The following DTNB variants were observed in gnomAD, a reference collection of about 807,000 sequenced individuals.
The protein encoded by DTNB is DTN-B.
In DTNB, 63 loss-of-function variants were observed where a neutral mutation model predicts 90.7. The observed-to-expected ratio is 0.69, with a 90% CI of 0.57 to 0.86. The LOEUF is 0.86. DTNB is among the 40% of genes least tolerant of loss of function. The pLI is 0.00. For synonymous variants in DTNB, 277 were observed against 286.7 expected, an observed-to-expected ratio of 0.97 and a Z score of 0.34; for missense variants, 744 against 807.1, an observed-to-expected ratio of 0.92 and a Z score of 0.95.
At chr2:25,629,111 A>C (rs938232754) in intron 3 of DTNB, among the ~76,000 whole-genome samples, 4 of 152,202 alleles carry the variant, frequency 2.6e-5, no homozygotes, top group African/African-American at 9.6e-5. Flanking sequence ...ATTTCCTTGA[A>C]AGAAAAATAA....
rs539431337 is a variant in DTNB, at chr2:25,549,210, A to G, written c.877-17613T>C. On this transcript the variant is annotated intron_variant, in intron 8 of 20. Transcript: ENST00000406818. ...CCATTTATTTTGATTACTGATATAT[A>G]TATCAGTAATATATATTTGATTATG... is the stretch of plus-strand genomic sequence containing the variant. Among the ~76,000 whole-genome samples the G allele has an allele frequency of 8.7e-4, 132 of 151,900 alleles. 1 individual carries two copies. Among genetic ancestry groups the G allele is most frequent in the African/African-American group, 2.4e-3 (99 of 41,476 alleles).
chr2:25,399,784 G>A (rs1391490597), intron 16 of DTNB, among the ~76,000 whole-genome samples: 7 of 152,226 alleles, frequency 4.6e-5, no homozygotes, highest in African/African-American at 9.6e-5. Context: ...CTAGTGACTC[G>A]CTGCTAATGA....
intron 4 of DTNB, 47 bp downstream of exon 4, chr2:25,628,124 A>G: frequency 6.4e-7 from 1 of 1,570,030 alleles, no homozygotes. Context: ...ATTCAGAGAC[A>G]GGTGTTCTTA....
intron 8 of DTNB, among the ~76,000 whole-genome samples, chr2:25,542,259 G>A (rs1191215188): frequency 1.3e-5 from 2 of 152,156 alleles, no homozygotes; most frequent in Non-Finnish European, 2.9e-5. Flanking sequence ...CTTAGATGTT[G>A]GGTTTAGTAA....
chr2:25,575,245 A>ACAC (rs1559088485), intron 8 of DTNB, among the ~76,000 whole-genome samples: 2 of 148,976 alleles, frequency 1.3e-5, no homozygotes, highest in African/African-American at 2.5e-5. Context: ...CACACACACA[A>ACAC]AAAAAAAAAA....
chr2:25,587,036 T>C (rs2062578007), intron 6 of DTNB, among the ~76,000 whole-genome samples: 2 of 152,104 alleles, frequency 1.3e-5, no homozygotes, highest in African/African-American at 4.8e-5. Context: ...CATGGCCCTG[T>C]GGCAACAGCT....
chr2:25,541,953 T>C (rs977168508), intron 8 of DTNB, among the ~76,000 whole-genome samples: 25 of 152,228 alleles, frequency 1.6e-4, no homozygotes, highest in Non-Finnish European at 7.3e-5. Context: ...GCCTTCTCGT[T>C]TTGTTTTCAA....
At chr2:25,630,115 C>G (rs1573690865) in intron 3 of DTNB, among the ~76,000 whole-genome samples, 1 of 151,990 alleles carries the variant, frequency 6.6e-6, no homozygotes, top group Non-Finnish European at 1.5e-5. Context: ...ATACAAATGG[C>G]CAACAAGCAC....
intron 4 of DTNB, among the ~76,000 whole-genome samples, chr2:25,610,540 T>C (rs2068327065): frequency 6.6e-6 from 1 of 152,184 alleles, no homozygotes; most frequent in Admixed American, 6.5e-5. Context: ...AGTGCATAAT[T>C]CATGAATGAA....
intron 6 of DTNB, among the ~76,000 whole-genome samples, chr2:25,590,175 C>T (rs1402594626): frequency 1.3e-5 from 2 of 152,236 alleles, no homozygotes; most frequent in Admixed American, 6.5e-5. Context: ...GGAGCTCCTA[C>T]ATCTGGGCTC....
intron 9 of DTNB, among the ~76,000 whole-genome samples, chr2:25,484,111 A>G (rs1252446263): frequency 1.3e-5 from 2 of 152,138 alleles, no homozygotes; most frequent in Non-Finnish European, 2.9e-5. Context: ...CCTAGGCTAC[A>G]CCATATGGCC....
intron 6 of DTNB, among the ~76,000 whole-genome samples, chr2:25,595,380 GT>G (rs2064373212): frequency 1.3e-5 from 2 of 152,092 alleles, no homozygotes; most frequent in Non-Finnish European, 1.5e-5. Context: ...TTACCTATTA[GT>G]TTTAGCAAAA....
intron 5 of DTNB, among the ~76,000 whole-genome samples, chr2:25,601,707 T>A (rs1331810275): frequency 6.6e-6 from 1 of 152,208 alleles, no homozygotes; most frequent in Non-Finnish European, 1.5e-5. Flanking sequence ...ATGACTCTCA[T>A]CGCCTGTCAT....
chr2:25,455,398 C>T lies in DTNB; in HGVS notation c.1169+7G>A, dbSNP rs1558597723. On this transcript the variant is annotated splice_region_variant and intron_variant, in intron 11 of 20. Transcript: ENST00000406818. ...TGGCTACCCACTGCTGCTGCACCAC[C>T]ACTGACCGTGCACAGTGCTGCAGAC... The T allele has an allele frequency of 6.3e-7, 1 of 1,588,678 alleles. No individual in the cohort carries two copies. The highest frequency in any genetic ancestry group is 1.1e-5 in the South Asian group (1 of 86,962).
intron 6 of DTNB, among the ~76,000 whole-genome samples, chr2:25,589,256 T>C (rs1024536766): frequency 6.6e-6 from 1 of 152,100 alleles, no homozygotes; most frequent in African/African-American, 2.4e-5. Context: ...CAATAAAGTG[T>C]TATCAACAGT....
At chr2:25,501,411 G>C (rs1304582969) in intron 9 of DTNB, among the ~76,000 whole-genome samples, 1 of 151,588 alleles carries the variant, frequency 6.6e-6, no homozygotes, top group Admixed American at 6.6e-5. Flanking sequence ...ATGGAGACTC[G>C]CTCTGTCGCC....
At chr2:25,512,029 T>C (rs1414789570) in intron 9 of DTNB, among the ~76,000 whole-genome samples, 1 of 152,200 alleles carries the variant, frequency 6.6e-6, no homozygotes, top group African/African-American at 2.4e-5. Flanking sequence ...AAATTCATGC[T>C]TGGAGCCAAA....
intron 8 of DTNB, among the ~76,000 whole-genome samples, chr2:25,563,549 T>A (rs2151214692): frequency 6.6e-6 from 1 of 152,348 alleles, no homozygotes; most frequent in East Asian, 1.9e-4. Context: ...GACTTACATC[T>A]AATCTCTTTT....
chr2:25,471,457 A>G (rs1170760503), intron 10 of DTNB, among the ~76,000 whole-genome samples: 24 of 151,160 alleles, frequency 1.6e-4, no homozygotes, highest in Admixed American at 1.6e-3. Context: ...CAGCGGCCCA[A>G]TCTCAATTGC....
Sources: gnomAD v4.1 joint callset for allele counts (sites outside exome capture counted in the v4.1 genomes callset) on GRCh38, gnomAD v4.1.1 for gene constraint, MANE v1.5 for transcripts, NCBI Gene and HGNC (gene_info 2026-07-23, HGNC 2026-07-21) for gene names.